SNX24: variants seen among roughly 807,000 people sequenced by gnomAD.
The protein encoded by SNX24 is sorting nexin-24.
SNX24 carries 22 observed loss-of-function variants against 28.7 expected under a neutral mutation model. That is an observed-to-expected ratio of 0.77 (90% CI 0.55 to 1.10). The LOEUF (loss-of-function observed/expected upper bound fraction) is 1.10, where lower values mean the gene tolerates loss of function less well. SNX24 is among the 50% of genes least tolerant of loss of function. The probability of loss-of-function intolerance (pLI) is 0.00; values close to 1 mark genes in which losing one functional copy is unlikely to be tolerated. For synonymous variants in SNX24, 69 were observed against 71.5 expected (o/e 0.96, Z 0.18); for missense variants, 221 against 201.1 (o/e 1.10, Z -0.60).
At chr5:122,978,280 G>A (rs1013628641) in intron 3 of SNX24, among the ~76,000 whole-genome samples, 1 of 152,150 alleles carries the variant, frequency 6.6e-6, no homozygotes, top group Non-Finnish European at 1.5e-5. Context: ...GAACTGTTTT[G>A]TAATAGTTAT....
chr5:122,885,991 G>T (rs891345468), intron 1 of SNX24, among the ~76,000 whole-genome samples: 2 of 57,106 alleles, frequency 3.5e-5, no homozygotes, highest in African/African-American at 3.3e-4. Flanking sequence ...CCGACCTGCT[G>T]TGTGGCTGGT....
At chr5:122,974,829 T>C (rs1761102924) in intron 3 of SNX24, among the ~76,000 whole-genome samples, 1 of 152,226 alleles carries the variant, frequency 6.6e-6, no homozygotes, top group African/African-American at 2.4e-5. Flanking sequence ...TCTAACGGCT[T>C]CCATTCGGCC....
rs112961786 is a variant in SNX24, at chr5:122,932,686, A to G, written c.61-4048A>G. On this transcript the variant is annotated intron_variant, in intron 1 of 6. Coordinates refer to ENST00000261369, the MANE Select transcript of SNX24 (RefSeq NM_014035.4). Reference sequence around the variant, plus strand: ...AGATAGAGACCACCGGTGAATCCCCATCTCTACTAAAAATACAAAAAAATT... The same window carrying G: ...AGATAGAGACCACCGGTGAATCCCCGTCTCTACTAAAAATACAAAAAAATT... Among the ~76,000 whole-genome samples, 643 of 152,028 alleles carry G rather than the reference A, an allele frequency of 4.2e-3. 5 individuals carry two copies. The highest frequency in any genetic ancestry group is 0.015 in the African/African-American group (611 of 41,512).
intron 2 of SNX24, among the ~76,000 whole-genome samples, chr5:122,942,666 G>A (rs932049790): frequency 7.9e-5 from 12 of 152,212 alleles, no homozygotes; most frequent in Admixed American, 2.6e-4. Context: ...TTGTGGTATC[G>A]TGGAATCTGG....
Position 122,903,124 on chromosome 5 carries a change from TG to T in SNX24, c.61-33609del, listed in dbSNP as rs113126408. ...GTACGTTTTTTTGTTTGTTTTTTTT[TG>T]ATACAGCGTCTTAGTCTGTCACCCA... On this transcript the variant is annotated intron_variant, in intron 1 of 6. Transcript: ENST00000261369. Among the ~76,000 whole-genome samples the T allele has an allele frequency of 3.2e-4, 48 of 151,408 alleles. No homozygotes were observed. The East Asian group carries it at 5.6e-3, about 18-fold the overall frequency.
At chr5:122,974,355 T>C (rs1761079256) in intron 3 of SNX24, among the ~76,000 whole-genome samples, 1 of 152,204 alleles carries the variant, frequency 6.6e-6, no homozygotes, top group Non-Finnish European at 1.5e-5. Flanking sequence ...ACCAGTGTGA[T>C]ACCTTGTGGA....
chr5:122,975,831 C>G (rs1761140432), intron 3 of SNX24, among the ~76,000 whole-genome samples: 1 of 152,092 alleles, frequency 6.6e-6, no homozygotes, highest in Admixed American at 6.6e-5. Flanking sequence ...AACATTTGTG[C>G]CCATCATTGG....
In SNX24 at chr5:123,008,123, G is replaced by T; in HGVS notation, c.*374G>T. ...TCATATCCTGAATCATACTGAGACT[G>T]ATCAACTTTGGTAGCTTTTTTGTTC... On this transcript the variant is annotated 3_prime_UTR_variant, in exon 7 of 7. Transcript: ENST00000261369. 1 of 999,808 alleles carries T rather than the reference G, an allele frequency of 1.0e-6. No homozygotes were observed. Among genetic ancestry groups the T allele is most frequent in the Non-Finnish European group, 1.2e-6 (1 of 839,786 alleles). 61.9% of individuals were successfully genotyped at this position (999,808 alleles called of 1,614,324 possible). A position where few individuals can be genotyped will look rare whatever the true frequency, so the allele number is the denominator to read the frequency against.
At chr5:122,857,760 A>G (rs955736468) in intron 1 of SNX24, among the ~76,000 whole-genome samples, 1 of 152,138 alleles carries the variant, frequency 6.6e-6, no homozygotes. Flanking sequence ...TTATGGCTGC[A>G]TAATATTCCA....
At chr5:122,973,020 AG>A (rs1229265837) in intron 3 of SNX24, among the ~76,000 whole-genome samples, 1 of 152,230 alleles carries the variant, frequency 6.6e-6, no homozygotes, top group Non-Finnish European at 1.5e-5. Flanking sequence ...GGAATAGCTG[AG>A]GAAAGAGACC....
At chr5:122,923,644 G>T (rs1758544329) in intron 1 of SNX24, among the ~76,000 whole-genome samples, 1 of 152,190 alleles carries the variant, frequency 6.6e-6, no homozygotes, top group African/African-American at 2.4e-5. Flanking sequence ...TCAGAGCCCA[G>T]CTGCAGAGCT....
Position 122,970,760 on chromosome 5 carries a change from G to A in SNX24, c.249+24601G>A, listed in dbSNP as rs118078236. 3.4e-4 allele frequency among the ~76,000 whole-genome samples: 52 copies of A among 152,240 alleles called. 1 individual carries two copies. The East Asian group carries it at 9.7e-3, about 28-fold the overall frequency. ...TGGAATTACAGGCATGAGCCACTGCGCCTGGCCATATTCTGCACAAATCTT... is the reference window on the plus strand; with the variant it reads ...TGGAATTACAGGCATGAGCCACTGCACCTGGCCATATTCTGCACAAATCTT... On this transcript the variant is annotated intron_variant, in intron 3 of 6. Transcript: ENST00000261369.
At chr5:122,955,136 T>C (rs1409637560) in intron 3 of SNX24, among the ~76,000 whole-genome samples, 1 of 152,136 alleles carries the variant, frequency 6.6e-6, no homozygotes, top group Non-Finnish European at 1.5e-5. Context: ...GATTCTTTCC[T>C]TGATTCCTTG....
At chr5:122,970,195 A>C (rs1247977437) in intron 3 of SNX24, among the ~76,000 whole-genome samples, 1 of 149,136 alleles carries the variant, frequency 6.7e-6, no homozygotes, top group African/African-American at 2.5e-5. Flanking sequence ...CCTTTTCATG[A>C]TATCTAGTTG....
At position 122,915,925 on chromosome 5, in the gene SNX24, C is replaced by T. The variant is rs1006925416; in HGVS notation, c.61-20809C>T. On this transcript the variant is annotated intron_variant, in intron 1 of 6. Coordinates refer to ENST00000261369, the MANE Select transcript of SNX24 (RefSeq NM_014035.4). ...CTCCCCCCAGGCTTCAGGCCTGTTT[C>T]GTCATGGCCTCCTCAGAGATTTAGC... is the stretch of plus-strand genomic sequence containing the variant. Among the ~76,000 whole-genome samples, 7 of 152,340 alleles carry T rather than the reference C, an allele frequency of 4.6e-5. No individual in the cohort carries two copies. The South Asian group carries it at 6.2e-4, about 14-fold the overall frequency.
chr5:122,889,618 T>C (rs1003364812), intron 1 of SNX24, among the ~76,000 whole-genome samples: 1 of 58,448 alleles, frequency 1.7e-5, no homozygotes, highest in African/African-American at 1.3e-4. Flanking sequence ...CACACATATA[T>C]ATATACACAT....
chr5:122,997,566 G>A (rs1341437800), intron 3 of SNX24, among the ~76,000 whole-genome samples: 2 of 152,178 alleles, frequency 1.3e-5, no homozygotes, highest in African/African-American at 2.4e-5. Context: ...AAGCCGATCT[G>A]TCAAGGCAAA....
At chr5:122,976,995 A>C (rs1273674316) in intron 3 of SNX24, among the ~76,000 whole-genome samples, 2 of 151,828 alleles carry the variant, frequency 1.3e-5, no homozygotes, top group Non-Finnish European at 2.9e-5. Flanking sequence ...TTTCTTATCC[A>C]CATTACCATT....
chr5:122,918,838 G>A (rs1758296813), intron 1 of SNX24, among the ~76,000 whole-genome samples: 1 of 152,180 alleles, frequency 6.6e-6, no homozygotes, highest in African/African-American at 2.4e-5. Flanking sequence ...ATACTGCACT[G>A]CCTTTGAATA....
Sources: allele counts gnomAD v4.1 joint callset (sites outside exome capture counted in the v4.1 genomes callset), GRCh38; gene constraint gnomAD v4.1.1; transcripts MANE v1.5; gene names NCBI Gene and HGNC (gene_info 2026-07-23, HGNC 2026-07-21).